The following NT5DC3 variants were observed in gnomAD, a reference collection of about 807,000 sequenced individuals.
NT5DC3 encodes the protein 5'-nucleotidase domain containing 3.
In NT5DC3, 42 loss-of-function variants were observed where a neutral mutation model predicts 67.8. The observed-to-expected ratio is 0.62, with a 90% CI of 0.48 to 0.80. The LOEUF (loss-of-function observed/expected upper bound fraction) is 0.80. Ranked by LOEUF, NT5DC3 falls within the 30% of genes least tolerant of loss-of-function variation. The pLI is 0.00. For synonymous variants in NT5DC3, 237 were observed against 255.6 expected (o/e 0.93, Z 0.69); for missense variants, 570 against 696.4 (o/e 0.82, Z 2.04).
At chr12:103,823,049 G>A (rs1192843950) in intron 1 of NT5DC3, among the ~76,000 whole-genome samples, 5 of 152,048 alleles carry the variant, frequency 3.3e-5, no homozygotes, top group Non-Finnish European at 7.4e-5. Context: ...TATTGATAAA[G>A]TAAATCACAA....
intron 13 of NT5DC3, among the ~76,000 whole-genome samples, chr12:103,779,732 G>A (rs758047069): frequency 6.6e-6 from 1 of 152,224 alleles, no homozygotes; most frequent in Admixed American, 6.5e-5. Flanking sequence ...CATGCAAGTG[G>A]TATAAAGCAT....
At chr12:103,771,259 G>A (rs572497410), downstream of NT5DC3, 57 of 152,260 alleles carry the variant, frequency 3.7e-4, no homozygotes, top group South Asian at 1.5e-3. Flanking sequence ...CTGAAATGAC[G>A]AACAATTCCT....
the NT5DC3 span, chr12:103,758,119 G>A: frequency 6.2e-7 from 1 of 1,611,116 alleles, no homozygotes; most frequent in Non-Finnish European, 8.5e-7. Context: ...AGCCACCCAG[G>A]TCCCTGCACA....
At chr12:103,768,235 G>A (rs1885069669), downstream of NT5DC3, among the ~76,000 whole-genome samples, 1 of 151,732 alleles carries the variant, frequency 6.6e-6, no homozygotes, top group Admixed American at 6.6e-5. Context: ...AGGAGTTCAA[G>A]ACCAGCCTGG....
chr12:103,794,151 CTTT>C (rs796470465), intron 6 of NT5DC3, among the ~76,000 whole-genome samples, 154 bp from the exon 7 acceptor site: 2 of 140,002 alleles, frequency 1.4e-5, no homozygotes. Context: ...TTTTCTTCTT[CTTT>C]TTTTTTTTTT....
At chr12:103,836,782 G>A (rs996701304) in intron 1 of NT5DC3, among the ~76,000 whole-genome samples, 11 of 152,076 alleles carry the variant, frequency 7.2e-5, no homozygotes, top group African/African-American at 1.2e-4. Flanking sequence ...GGGCCGCTTC[G>A]CTCCTGTGGC....
chr12:103,806,433 C>T lies in NT5DC3; in HGVS notation c.469-56G>A. 3 of 1,244,096 alleles carry T rather than the reference C, an allele frequency of 2.4e-6. No individual in the cohort carries two copies. The Admixed American group carries it at 5.1e-5, about 21-fold the overall frequency. The allele number at this position is 1,244,096 out of a possible 1,614,324, so 77.1% of individuals were successfully genotyped here. ...ATAATGTATGACTATTTGCATATTA[C>T]ATGAGCCATCCAGGTGTCATCATAT... On this transcript the variant is annotated intron_variant, in intron 3 of 13. Transcript: ENST00000392876.
At chr12:103,806,808 T>A (rs1363858115) in intron 3 of NT5DC3, 47 bp downstream of exon 3, 10 of 1,205,656 alleles carry the variant, frequency 8.3e-6, no homozygotes, top group Non-Finnish European at 9.8e-6. Flanking sequence ...GTACATTTCA[T>A]TTCCAAACAT....
chr12:103,751,248 G>T, the NT5DC3 span, among the ~76,000 whole-genome samples: 3 of 152,174 alleles, frequency 2.0e-5, no homozygotes, highest in Non-Finnish European at 4.4e-5. Flanking sequence ...GGCTAGAGGA[G>T]CTAGCAAGCC....
rs1221963589 is a variant in NT5DC3, at chr12:103,775,892, G to A, written c.*1937C>T. 6.6e-6 allele frequency: 1 copy of A among 152,146 alleles called. No individual in the cohort carries two copies. Among genetic ancestry groups the A allele is most frequent in the Non-Finnish European group, 1.5e-5 (1 of 68,028 alleles). 9.4% of individuals were successfully genotyped at this position (152,146 alleles called of 1,614,324 possible). A position where few individuals can be genotyped will look rare whatever the true frequency, so the allele number is the denominator to read the frequency against. On this transcript the variant is annotated 3_prime_UTR_variant, in exon 14 of 14. Coordinates refer to ENST00000392876, the MANE Select transcript of NT5DC3 (RefSeq NM_001031701.3). The stretch of plus-strand genomic sequence containing the variant: ...AGGAGCCCATGGAATGCCAGACTTG[G>A]ATTTCATCAATAGATGGTTACATAC...
At chr12:103,822,911 G>T (rs886869769) in intron 1 of NT5DC3, among the ~76,000 whole-genome samples, 2 of 152,042 alleles carry the variant, frequency 1.3e-5, no homozygotes, top group African/African-American at 2.4e-5. Context: ...AAAAACTGGG[G>T]GAAAACATGC....
At chr12:103,753,387 G>A in the NT5DC3 span, 24 of 1,613,878 alleles carry the variant, frequency 1.5e-5, no homozygotes, top group Middle Eastern at 1.6e-4. Flanking sequence ...TGTGCAGACA[G>A]AGTCTGCAGG....
chr12:103,800,084 AC>A, intron 4 of NT5DC3, among the ~76,000 whole-genome samples: 1 of 152,374 alleles, frequency 6.6e-6, no homozygotes, highest in South Asian at 2.1e-4. Flanking sequence ...TACTAACACA[AC>A]AGGTTGCTTA....
At chr12:103,786,514 A>T (rs1885781325) in intron 11 of NT5DC3, among the ~76,000 whole-genome samples, 1 of 107,900 alleles carries the variant, frequency 9.3e-6, no homozygotes, top group Non-Finnish European at 1.8e-5. Flanking sequence ...AACCATAGGA[A>T]CTCAGGCTTT....
intron 6 of NT5DC3, among the ~76,000 whole-genome samples, chr12:103,794,774 G>A (rs559835975): frequency 2.5e-4 from 38 of 152,234 alleles, no homozygotes; most frequent in Non-Finnish European, 4.3e-4. Flanking sequence ...GGTACCACCA[G>A]CAGGGCAACG....
chr12:103,788,363 T>C (rs903620233), intron 10 of NT5DC3, among the ~76,000 whole-genome samples: 1 of 152,224 alleles, frequency 6.6e-6, no homozygotes, highest in East Asian at 1.9e-4. Flanking sequence ...GAAGGATCAC[T>C]TCAACTCAGG....
intron 12 of NT5DC3, among the ~76,000 whole-genome samples, chr12:103,784,770 AC>A (rs1326178038): frequency 6.6e-6 from 1 of 152,194 alleles, no homozygotes; most frequent in Non-Finnish European, 1.5e-5. Context: ...GCCATTCCTC[AC>A]TTACCAGCCA....
At chr12:103,759,226 C>G in the NT5DC3 span, 436,136 of 1,613,850 alleles carry the variant, frequency 0.27, 62,126 homozygotes, top group East Asian at 0.45. Flanking sequence ...GCAAACGAGG[C>G]TGGGAAGCAA....
intron 4 of NT5DC3, among the ~76,000 whole-genome samples, chr12:103,801,292 A>G (rs1267436945): frequency 6.6e-6 from 1 of 151,866 alleles, no homozygotes; most frequent in Non-Finnish European, 1.5e-5. Flanking sequence ...AAAGAGAAGA[A>G]AAGTGACATT....
Sources: allele counts gnomAD v4.1 joint callset (sites outside exome capture counted in the v4.1 genomes callset), GRCh38; gene constraint gnomAD v4.1.1; transcripts MANE v1.5; gene names NCBI Gene and HGNC (gene_info 2026-07-23, HGNC 2026-07-21).